The following PIK3C2A variants were observed in gnomAD, a reference collection of about 807,000 sequenced individuals.
PIK3C2A encodes the protein phosphatidylinositol 4-phosphate 3-kinase C2 domain-containing subunit alpha.
Under a neutral mutation model 204.5 loss-of-function variants are expected in PIK3C2A, and 97 were observed. The observed-to-expected ratio is 0.47, with a 90% confidence interval of 0.40 to 0.56. The LOEUF (loss-of-function observed/expected upper bound fraction) is 0.56, where lower values mean the gene tolerates loss of function less well. Ranked by LOEUF, PIK3C2A falls within the 20% of genes least tolerant of loss-of-function variation. PIK3C2A has a pLI of 0.00. For synonymous variants in PIK3C2A, 653 were observed against 664.4 expected, an observed-to-expected ratio of 0.98 and a Z score of 0.26; for missense variants, 1,735 against 1,969.2, an observed-to-expected ratio of 0.88 and a Z score of 2.25.
intron 1 of PIK3C2A, among the ~76,000 whole-genome samples, chr11:17,170,378 T>C (rs1851118408): frequency 6.6e-6 from 1 of 152,206 alleles, no homozygotes; most frequent in African/African-American, 2.4e-5. Context: ...AAATGTATAA[T>C]GTAACATGGA....
At chr11:17,147,495 C>G (rs1247935801) in intron 6 of PIK3C2A, 22 bp downstream of exon 6, 1 of 1,219,746 alleles carries the variant, frequency 8.2e-7, no homozygotes, top group African/African-American at 1.5e-5. Flanking sequence ...AAATGGAATT[C>G]AGTTATGAGG....
chr11:17,114,035 G>A (rs546387508), intron 20 of PIK3C2A, among the ~76,000 whole-genome samples: 17 of 151,542 alleles, frequency 1.1e-4, no homozygotes, highest in South Asian at 4.2e-4. Flanking sequence ...AGCCAAGATC[G>A]CACCACTGCA....
rs1565241687 is a variant in PIK3C2A, at chr11:17,102,713, A to G, written c.3800T>C (p.Ile1267Thr). The change falls in exon 24 of 33, where the codon ATT (isoleucine) becomes ACT (threonine). Residue 1267 changes from isoleucine (I) to threonine (T), a missense_variant. Transcript: ENST00000691414. ...ATGTCCCAAAAACTTTCCAAAGTCA[A>G]TGTGAAACATGTGTCCCGTGCTTCG... is the stretch of plus-strand genomic sequence containing the variant. ...MLRSTGHMFH[I>T]DFGKFLGHAQ... 3 of 1,613,838 alleles carry G rather than the reference A, an allele frequency of 1.9e-6. No homozygotes were observed. The highest frequency in any genetic ancestry group is 1.1e-5 in the South Asian group (1 of 91,000).
At chr11:17,193,600 C>T (rs964829329) in intron 1 of PIK3C2A, 25 of 364,342 alleles carry the variant, frequency 6.9e-5, no homozygotes, top group Non-Finnish European at 1.1e-4. Context: ...GTAATCCCAG[C>T]ACTTTGGGAG....
At position 17,091,363 on chromosome 11, in the gene PIK3C2A, T is replaced by C; in HGVS notation, c.4849A>G (p.Lys1617Glu). Residue 1617 changes from lysine to glutamate, a missense_variant, in exon 32 of 33, where the codon AAA becomes GAA. By Grantham distance (56) the Lys-to-Glu change is moderately conservative (BLOSUM62 1). Transcript: ENST00000691414. ...TCATTGAATGTCGGATTCCTCGTTT[T>C]TCGTGAAATTTTGGTTTTACGTTTG... ...TSKRKTKISR[K>E]TRNPTFNEML... 1 of 1,613,698 alleles carries C rather than the reference T, an allele frequency of 6.2e-7. No homozygotes were observed. Among genetic ancestry groups the C allele is most frequent in the Non-Finnish European group, 8.5e-7 (1 of 1,179,730 alleles).
intron 11 of PIK3C2A, among the ~76,000 whole-genome samples, chr11:17,132,527 C>T (rs1057495087): frequency 1.5e-4 from 22 of 151,214 alleles, no homozygotes; most frequent in Non-Finnish European, 2.8e-4. Context: ...GACGGGGTTT[C>T]ACCTTGTTAG....
At chr11:17,157,637 T>C (rs1242440193) in intron 2 of PIK3C2A, among the ~76,000 whole-genome samples, 1 of 152,092 alleles carries the variant, frequency 6.6e-6, no homozygotes, top group Non-Finnish European at 1.5e-5. Context: ...AATATCTTCA[T>C]ATAGTGCTAA....
intron 8 of PIK3C2A, among the ~76,000 whole-genome samples, chr11:17,143,749 C>T (rs1465347927): frequency 6.6e-6 from 1 of 151,854 alleles, no homozygotes. Flanking sequence ...CCAGCCTGAC[C>T]AACATGGTGA....
At chr11:17,201,189 G>A (rs1852360127) in intron 1 of PIK3C2A, among the ~76,000 whole-genome samples, 1 of 149,810 alleles carries the variant, frequency 6.7e-6, no homozygotes, top group Non-Finnish European at 1.5e-5. Context: ...CTGGGTTACA[G>A]AGCGATATTC....
chr11:17,087,564 T>C lies in PIK3C2A; in HGVS notation c.*2174A>G, dbSNP rs1268480492. ...CTCTATTATTTGTGCTAAAAGACACTGTCATAATAGACTGCAAAAAGGCAG... is the reference window on the plus strand; with the variant it reads ...CTCTATTATTTGTGCTAAAAGACACCGTCATAATAGACTGCAAAAAGGCAG... On this transcript the variant is annotated 3_prime_UTR_variant, in exon 33 of 33. Coordinates refer to ENST00000691414, the MANE Select transcript of PIK3C2A (RefSeq NM_002645.4). 6.6e-6 allele frequency: 1 copy of C among 152,204 alleles called. No individual in the cohort carries two copies. The highest frequency in any genetic ancestry group is 6.5e-5 in the Admixed American group (1 of 15,270). 9.4% of individuals were successfully genotyped at this position (152,204 alleles called of 1,614,324 possible). A position where few individuals can be genotyped will look rare whatever the true frequency, so the allele number is the denominator to read the frequency against.
chr11:17,135,712 T>A (rs1358821056), intron 9 of PIK3C2A, among the ~76,000 whole-genome samples: 1 of 147,254 alleles, frequency 6.8e-6, no homozygotes, highest in Non-Finnish European at 1.5e-5. Flanking sequence ...TGTGTGTGTG[T>A]GTGTGTATAA....
chr11:17,164,852 G>A (rs1165386235), intron 2 of PIK3C2A, among the ~76,000 whole-genome samples: 3 of 151,932 alleles, frequency 2.0e-5, no homozygotes, highest in African/African-American at 4.8e-5. Context: ...CTATCTTTAG[G>A]AAACCACCCA....
chr11:17,176,036 C>T (rs1007494421), intron 1 of PIK3C2A, among the ~76,000 whole-genome samples: 2 of 150,070 alleles, frequency 1.3e-5, no homozygotes, highest in Non-Finnish European at 2.9e-5. Context: ...CAGAGTCTCA[C>T]TCTGTCGCCC....
At chr11:17,112,911 G>C (rs1849046377) in intron 20 of PIK3C2A, among the ~76,000 whole-genome samples, 1 of 152,072 alleles carries the variant, frequency 6.6e-6, no homozygotes, top group Non-Finnish European at 1.5e-5. Context: ...TCAGCCTCCT[G>C]AGTAGCTGGG....
intron 9 of PIK3C2A, among the ~76,000 whole-genome samples, chr11:17,135,714 TGTGTA>T (rs1849851174): frequency 7.8e-6 from 1 of 128,780 alleles, no homozygotes; most frequent in African/African-American, 2.9e-5. Context: ...TGTGTGTGTG[TGTGTA>T]TAAGTTTCTA....
intron 1 of PIK3C2A, 106 bp from the exon 2 acceptor site, chr11:17,169,912 T>TC: frequency 1.8e-6 from 1 of 568,146 alleles, no homozygotes; most frequent in South Asian, 2.5e-5. Flanking sequence ...CTTAGAAAAA[T>TC]ATACTACAAA....
intron 1 of PIK3C2A, among the ~76,000 whole-genome samples, chr11:17,179,508 T>C (rs1293938317): frequency 1.3e-5 from 2 of 152,140 alleles, no homozygotes; most frequent in Non-Finnish European, 1.5e-5. Flanking sequence ...ACTTTTTAAT[T>C]TTTAAAGTAC....
chr11:17,134,776 C>T (rs764633427), intron 11 of PIK3C2A, 43 bp downstream of exon 11: 1 of 1,438,632 alleles, frequency 7.0e-7, no homozygotes, highest in South Asian at 1.1e-5. Context: ...CTTGGGATTA[C>T]AGGTGCAAGC....
chr11:17,095,452 G>C (rs1230165559), intron 27 of PIK3C2A, among the ~76,000 whole-genome samples: 1 of 150,372 alleles, frequency 6.7e-6, no homozygotes, highest in African/African-American at 2.4e-5. Flanking sequence ...TGAGCCGGGC[G>C]TGGTGGTGGG....
Sources: gnomAD v4.1 joint callset for allele counts (sites outside exome capture counted in the v4.1 genomes callset) on GRCh38, gnomAD v4.1.1 for gene constraint, MANE v1.5 for transcripts, NCBI Gene and HGNC (gene_info 2026-07-23, HGNC 2026-07-21) for gene names.